Variants in TTBK2 observed in about 807,000 individuals in gnomAD.
TTBK2 encodes tau tubulin kinase 2.
TTBK2 carries 28 observed loss-of-function variants against 110.8 expected under a neutral mutation model. The ratio of observed to expected loss-of-function variants is 0.25; its 90% CI spans 0.19 to 0.35. TTBK2 has a LOEUF of 0.35. TTBK2 is among the 10% of genes least tolerant of loss of function. The pLI is 1.00. For synonymous variants in TTBK2, 532 were observed against 527.3 expected (o/e 1.01, Z -0.12); for missense variants, 1,369 against 1,500.3 (o/e 0.91, Z 1.45).
chr15:42,809,986 G>A (rs1891635567), intron 9 of TTBK2, among the ~76,000 whole-genome samples: 2 of 152,128 alleles, frequency 1.3e-5, no homozygotes, highest in Admixed American at 1.3e-4. Context: ...ATTAATCTAT[G>A]TGTGGCCGCA....
At chr15:42,909,443 G>A (rs1311196567) in intron 1 of TTBK2, among the ~76,000 whole-genome samples, 1 of 151,916 alleles carries the variant, frequency 6.6e-6, no homozygotes, top group Non-Finnish European at 1.5e-5. Context: ...TCCCTCTTAT[G>A]AGCACCCCCT....
At position 42,811,826 on chromosome 15, in the gene TTBK2, G is replaced by A. The variant is rs369955226; in HGVS notation, c.604-46C>T. 1.9e-6 allele frequency: 3 copies of A among 1,551,498 alleles called. No individual in the cohort carries two copies. In the African/African-American group the frequency reaches 4.1e-5, roughly 21 times the overall value. ...CCAGTCACATAACATTATTACTTGTGAGTACATTACATTGTTCAAGGTCTA... is the reference window on the plus strand; with the variant it reads ...CCAGTCACATAACATTATTACTTGTAAGTACATTACATTGTTCAAGGTCTA... On this transcript the variant is annotated intron_variant, in intron 7 of 14. Transcript: ENST00000267890.
At chr15:42,914,473 C>T (rs1253087754) in intron 1 of TTBK2, among the ~76,000 whole-genome samples, 1 of 152,178 alleles carries the variant, frequency 6.6e-6, no homozygotes, top group African/African-American at 2.4e-5. Flanking sequence ...CTTCTGGTAA[C>T]ACAGTCCTAA....
intron 9 of TTBK2, among the ~76,000 whole-genome samples, chr15:42,797,417 G>C (rs900390726): frequency 6.6e-6 from 1 of 152,184 alleles, no homozygotes; most frequent in South Asian, 2.1e-4. Context: ...AGCAGCAGGA[G>C]GCAGAAAGAT....
intron 13 of TTBK2, among the ~76,000 whole-genome samples, chr15:42,768,032 T>C (rs937429053): frequency 1.3e-4 from 20 of 152,228 alleles, no homozygotes; most frequent in Non-Finnish European, 2.8e-4. Context: ...TCTCAACAGA[T>C]GCAGAAAAGG....
intron 3 of TTBK2, among the ~76,000 whole-genome samples, chr15:42,870,625 G>A (rs577527687): frequency 6.6e-6 from 1 of 152,062 alleles, no homozygotes; most frequent in Non-Finnish European, 1.5e-5. Flanking sequence ...TACTTTGGGA[G>A]ACCGAGGTGG....
chr15:42,891,855 A>G (rs974975286), intron 1 of TTBK2, among the ~76,000 whole-genome samples: 2 of 152,198 alleles, frequency 1.3e-5, no homozygotes, highest in African/African-American at 4.8e-5. Context: ...TCTGAAGTGA[A>G]GGCAGCTTTG....
In TTBK2 at chr15:42,816,998, C is replaced by T. The variant is rs1362682382; in HGVS notation, c.603+34G>A. ...CAATCTGATTTAAGCTATTAGCATACTTATACAGATATGACTCTAGTTCAG... is the reference window on the plus strand; with the variant it reads ...CAATCTGATTTAAGCTATTAGCATATTTATACAGATATGACTCTAGTTCAG... On this transcript the variant is annotated intron_variant, in intron 7 of 14. Transcript: ENST00000267890. 3 of 1,531,890 alleles carry T rather than the reference C, an allele frequency of 2.0e-6. No individual in the cohort carries two copies. The Admixed American group carries it at 5.2e-5, about 27-fold the overall frequency. The allele number at this position is 1,531,890 out of a possible 1,614,324, so 94.9% of individuals were successfully genotyped here.
At chr15:42,804,863 T>C (rs1044291196) in intron 9 of TTBK2, among the ~76,000 whole-genome samples, 11 of 152,278 alleles carry the variant, frequency 7.2e-5, no homozygotes, top group South Asian at 4.1e-4. Context: ...GCAGCCTGAT[T>C]TGGGGCCACT....
In TTBK2 at chr15:42,890,347, T is replaced by C. The variant is rs760019183; in HGVS notation, c.-67-11663A>G. Among the ~76,000 whole-genome samples, 20 of 152,328 alleles carry C rather than the reference T, an allele frequency of 1.3e-4. No individual in the cohort carries two copies. The South Asian group carries it at 1.4e-3, about 11-fold the overall frequency. On this transcript the variant is annotated intron_variant, in intron 1 of 14. Transcript: ENST00000267890. Reference sequence around the variant, plus strand: ...GTTTGGTGGCCTCTTCATATGGACATGAGACAATAAGCATATCCATATGTT... The same window carrying C: ...GTTTGGTGGCCTCTTCATATGGACACGAGACAATAAGCATATCCATATGTT...
At chr15:42,898,407 C>T (rs1213579359) in intron 1 of TTBK2, among the ~76,000 whole-genome samples, 2 of 151,624 alleles carry the variant, frequency 1.3e-5, no homozygotes, top group Admixed American at 6.6e-5. Flanking sequence ...TAGCCAGTTA[C>T]GGTAGCATGC....
chr15:42,763,153 TATAC>T (rs1889130921), intron 13 of TTBK2, among the ~76,000 whole-genome samples: 12 of 56,814 alleles, frequency 2.1e-4, no homozygotes, highest in African/African-American at 1.1e-3. Context: ...CATATATATA[TATAC>T]ATATATATAT....
At chr15:42,797,598 C>T (rs891461111) in intron 9 of TTBK2, among the ~76,000 whole-genome samples, 2 of 152,180 alleles carry the variant, frequency 1.3e-5, no homozygotes, top group Non-Finnish European at 2.9e-5. Context: ...GCGCTAAATC[C>T]TAACCTTCCT....
At chr15:42,870,095 A>AC (rs551807114) in intron 3 of TTBK2, among the ~76,000 whole-genome samples, 4 of 151,976 alleles carry the variant, frequency 2.6e-5, no homozygotes, top group African/African-American at 9.7e-5. Flanking sequence ...AATCACTTGA[A>AC]CCCAGGAGGC....
chr15:42,792,911 G>T (rs892304188), intron 10 of TTBK2, among the ~76,000 whole-genome samples: 1 of 152,174 alleles, frequency 6.6e-6, no homozygotes, highest in African/African-American at 2.4e-5. Context: ...AACATAAACT[G>T]CCTTCATTGT....
intron 1 of TTBK2, among the ~76,000 whole-genome samples, chr15:42,889,243 C>T (rs1895361319): frequency 6.6e-6 from 1 of 152,168 alleles, no homozygotes; most frequent in African/African-American, 2.4e-5. Flanking sequence ...GGCAAATTGA[C>T]CTTACTCACA....
rs2061879385 is a variant in TTBK2 at position 42,752,471 on chromosome 15, A to G, written c.2775T>C (p.His925=). The G allele has an allele frequency of 6.2e-7, 1 of 1,614,090 alleles. No homozygotes were observed. Among genetic ancestry groups the G allele is most frequent in the South Asian group, 1.1e-5 (1 of 91,092 alleles). Residue 925 remains histidine (H), a synonymous_variant, in exon 14 of 15, where the codon CAT becomes CAC. Coordinates refer to ENST00000267890, the MANE Select transcript of TTBK2 (RefSeq NM_173500.4). ...CCATATCCTTCCGGGTTGGGGCACC[A>G]TGTTCATTCTCTGAAACACAATGAA... ...ELFHCVSENE[H]GAPTRKDMVR... is the part of the protein sequence containing the mutation.
chr15:42,800,805 T>C (rs1397304173), intron 9 of TTBK2, among the ~76,000 whole-genome samples: 1 of 150,374 alleles, frequency 6.7e-6, no homozygotes, highest in Non-Finnish European at 1.5e-5. Context: ...GCTGGAGGCA[T>C]GGGCAAGGGG....
At chr15:42,793,973 T>C (rs998589304) in intron 10 of TTBK2, among the ~76,000 whole-genome samples, 3 of 151,702 alleles carry the variant, frequency 2.0e-5, no homozygotes, top group Non-Finnish European at 4.4e-5. Context: ...TAGAGTGTAG[T>C]GGCACAATCA....
Sources: gnomAD v4.1 joint callset for allele counts (sites outside exome capture counted in the v4.1 genomes callset) on GRCh38, gnomAD v4.1.1 for gene constraint, MANE v1.5 for transcripts, NCBI Gene and HGNC (gene_info 2026-07-23, HGNC 2026-07-21) for gene names.